The following IGF2BP2 variants were observed in gnomAD, a reference collection of about 807,000 sequenced individuals.
IGF2BP2 encodes the protein insulin-like growth factor 2 mRNA-binding protein 2.
IGF2BP2 carries 17 observed loss-of-function variants against 75.8 expected under a neutral mutation model. The ratio of observed to expected loss-of-function variants is 0.22; its 90% CI spans 0.15 to 0.34. The LOEUF is 0.34. IGF2BP2 is among the 10% of genes least tolerant of loss of function. The probability of loss-of-function intolerance (pLI) is 1.00; values close to 1 mark genes in which losing one functional copy is unlikely to be tolerated. For synonymous variants in IGF2BP2, 288 were observed against 295.6 expected (o/e 0.97, Z 0.26); for missense variants, 516 against 772.4 (o/e 0.67, Z 3.93).
At chr3:185,820,999 A>T in intron 2 of IGF2BP2, 1 of 1,535,170 alleles carries the variant, frequency 6.5e-7, no homozygotes, top group Non-Finnish European at 8.7e-7. Context: ...TTTGGTTTCA[A>T]ATGTCACAGT....
At chr3:185,656,558 G>GT (rs1190395915) in intron 12 of IGF2BP2, among the ~76,000 whole-genome samples, 1 of 152,196 alleles carries the variant, frequency 6.6e-6, no homozygotes, top group Non-Finnish European at 1.5e-5. Context: ...ATTATTTTGC[G>GT]TAACAACAAA....
intron 2 of IGF2BP2, among the ~76,000 whole-genome samples, chr3:185,708,589 G>A (rs1724374391): frequency 1.3e-5 from 2 of 152,056 alleles, no homozygotes; most frequent in South Asian, 2.1e-4. Flanking sequence ...CTGGCGCACG[G>A]CGGGGTGCAG....
intron 2 of IGF2BP2, among the ~76,000 whole-genome samples, chr3:185,701,278 G>T (rs1723258257): frequency 6.7e-6 from 1 of 149,328 alleles, no homozygotes; most frequent in African/African-American, 2.5e-5. Context: ...TATCCTACAG[G>T]CTTTAAAAAA....
At chr3:185,734,729 C>A (rs80076027) in intron 2 of IGF2BP2, among the ~76,000 whole-genome samples, 1 of 152,206 alleles carries the variant, frequency 6.6e-6, no homozygotes, top group East Asian at 1.9e-4. Flanking sequence ...GCTCAACTTT[C>A]TTTGGACAGA....
At chr3:185,714,796 G>C (rs1725350000) in intron 2 of IGF2BP2, among the ~76,000 whole-genome samples, 1 of 152,134 alleles carries the variant, frequency 6.6e-6, no homozygotes, top group African/African-American at 2.4e-5. Context: ...AAAAAGCAAA[G>C]CAACCAACCT....
At chr3:185,694,835 C>T (rs1722373243) in intron 4 of IGF2BP2, among the ~76,000 whole-genome samples, 2 of 152,310 alleles carry the variant, frequency 1.3e-5, no homozygotes, top group East Asian at 3.9e-4. Flanking sequence ...ACCTGTGATC[C>T]CAGCACTCTG....
intron 2 of IGF2BP2, among the ~76,000 whole-genome samples, chr3:185,784,785 A>G (rs1450887315): frequency 6.6e-6 from 1 of 152,220 alleles, no homozygotes; most frequent in African/African-American, 2.4e-5. Flanking sequence ...TTGCAGAAGT[A>G]TCACCAGTAC....
At chr3:185,714,654 T>C (rs1056973537) in intron 2 of IGF2BP2, among the ~76,000 whole-genome samples, 1 of 152,146 alleles carries the variant, frequency 6.6e-6, no homozygotes, top group African/African-American at 2.4e-5. Flanking sequence ...TTTCATATAT[T>C]AAAGAACCTA....
chr3:185,750,929 C>T (rs62289125), intron 2 of IGF2BP2, among the ~76,000 whole-genome samples: 2,105 of 152,364 alleles, frequency 0.014, 18 homozygotes, highest in Non-Finnish European at 0.022. Flanking sequence ...AAAACAATTG[C>T]TTCCTGGCTG....
chr3:185,699,193 C>T (rs1722972643), intron 2 of IGF2BP2, among the ~76,000 whole-genome samples: 1 of 152,010 alleles, frequency 6.6e-6, no homozygotes, highest in Non-Finnish European at 1.5e-5. Flanking sequence ...TCCCAACAAG[C>T]TAAAATAATA....
chr3:185,656,530 G>A (rs757011411), intron 12 of IGF2BP2, among the ~76,000 whole-genome samples: 9 of 152,196 alleles, frequency 5.9e-5, no homozygotes, highest in Non-Finnish European at 1.2e-4. Flanking sequence ...GGAATTCTGG[G>A]TTGTCCCATG....
chr3:185,801,986 G>A (rs1208308112), intron 2 of IGF2BP2, among the ~76,000 whole-genome samples: 1 of 151,814 alleles, frequency 6.6e-6, no homozygotes, highest in Non-Finnish European at 1.5e-5. Context: ...ACACAGGGAG[G>A]GGACCATCAC....
chr3:185,802,869 A>C (rs991268112), intron 2 of IGF2BP2, among the ~76,000 whole-genome samples: 8 of 152,388 alleles, frequency 5.2e-5, no homozygotes, highest in Admixed American at 2.0e-4. Flanking sequence ...AGAAGTGCTG[A>C]GAGTAGCCTT....
At chr3:185,661,561 C>A (rs183831512) in intron 10 of IGF2BP2, among the ~76,000 whole-genome samples, 7 of 148,016 alleles carry the variant, frequency 4.7e-5, no homozygotes, top group Non-Finnish European at 7.4e-5. Context: ...CGCTTGAACC[C>A]GGGAGACAAG....
intron 10 of IGF2BP2, among the ~76,000 whole-genome samples, chr3:185,664,637 G>T (rs532951114): frequency 4.9e-4 from 74 of 152,250 alleles, no homozygotes; most frequent in Non-Finnish European, 9.6e-4. Context: ...AGTGACCCTG[G>T]ATATGAAAAA....
intron 2 of IGF2BP2, among the ~76,000 whole-genome samples, chr3:185,822,014 C>T (rs559665867): frequency 1.3e-5 from 2 of 149,596 alleles, no homozygotes; most frequent in Non-Finnish European, 3.0e-5. Context: ...AAAAAAAAAA[C>T]AGGATTTAAG....
intron 10 of IGF2BP2, among the ~76,000 whole-genome samples, chr3:185,662,337 G>A (rs1716584228): frequency 1.3e-5 from 2 of 151,902 alleles, no homozygotes; most frequent in Non-Finnish European, 1.5e-5. Context: ...AATTAGCCAG[G>A]CATGGTGGTG....
chr3:185,814,806 T>C (rs929161611), intron 2 of IGF2BP2, among the ~76,000 whole-genome samples: 3 of 152,166 alleles, frequency 2.0e-5, no homozygotes, highest in African/African-American at 7.2e-5. Flanking sequence ...AACAAATGCA[T>C]AAGATACTTA....
At chr3:185,780,435 G>C (rs1735063632) in intron 2 of IGF2BP2, among the ~76,000 whole-genome samples, 1 of 152,194 alleles carries the variant, frequency 6.6e-6, no homozygotes, top group African/African-American at 2.4e-5. Context: ...TTCAGGATAA[G>C]GCTGCAGAAA....
Sources: gnomAD v4.1 joint callset for allele counts (sites outside exome capture counted in the v4.1 genomes callset) on GRCh38, gnomAD v4.1.1 for gene constraint, MANE v1.5 for transcripts, NCBI Gene and HGNC (gene_info 2026-07-23, HGNC 2026-07-21) for gene names.